Variants in SARDH observed in about 807,000 individuals in gnomAD.
SARDH encodes the protein sarcosine dehydrogenase, mitochondrial.
Under a neutral mutation model 109.1 loss-of-function variants are expected in SARDH, and 95 were observed. The observed-to-expected ratio is 0.87, with a 90% confidence interval of 0.74 to 1.03. The LOEUF (loss-of-function observed/expected upper bound fraction) is 1.03. Ranked by LOEUF, SARDH falls within the 50% of genes least tolerant of loss-of-function variation. SARDH has a pLI of 0.00. For synonymous variants in SARDH, 572 were observed against 534.8 expected (o/e 1.07, Z -0.96); for missense variants, 1,267 against 1,287.8 (o/e 0.98, Z 0.25).
rs1564304204 is a variant in SARDH at position 133,734,411 on chromosome 9, A to AC, written c.-30-209_-30-208insG. Among the ~76,000 whole-genome samples the AC allele has an allele frequency of 1.4e-4, 16 of 113,620 alleles. 1 individual carries two copies. Among genetic ancestry groups the AC allele is most frequent in the East Asian group, 5.0e-4 (2 of 3,980 alleles). The allele number at this position is 113,620 out of a possible 152,430, so 74.5% of individuals were successfully genotyped here. A position where few individuals can be genotyped will look rare whatever the true frequency, so the allele number is the denominator to read the frequency against. ...CATTCATTCACTCATTCATTCACTC[A>AC]TTCATTCATTCATTCACTCATTCAT... On this transcript the variant is annotated intron_variant, in intron 1 of 20. Coordinates refer to ENST00000439388, the MANE Select transcript of SARDH (RefSeq NM_001134707.2).
chr9:133,732,444 G>C lies in SARDH; in HGVS notation c.489C>G (p.Asp163Glu), dbSNP rs1294582133. 2 of 1,503,546 alleles carry C rather than the reference G, an allele frequency of 1.3e-6. No individual in the cohort carries two copies. Among genetic ancestry groups the C allele is most frequent in the Non-Finnish European group, 1.8e-6 (2 of 1,111,994 alleles). The allele number at this position is 1,503,546 out of a possible 1,614,324, so 93.1% of individuals were successfully genotyped here. ...ACACCGACATGAGCCTCTTGTACTC[G>C]TCCAGGCGCTGCCGGTTGGACGCGA... ...LFIASNRQRLDEYKRLMSLGK... is the reference protein window; with the variant it reads ...LFIASNRQRLEEYKRLMSLGK... The change falls in exon 3 of 21, where the codon GAC (aspartate) becomes GAG (glutamate). Residue 163 changes from aspartate (D) to glutamate (E), a missense_variant. By Grantham distance (45) the Asp-to-Glu change is conservative. Coordinates refer to ENST00000439388, the MANE Select transcript of SARDH (RefSeq NM_001134707.2).
At chr9:133,678,724 C>T (rs577985627) in intron 17 of SARDH, among the ~76,000 whole-genome samples, 286 of 152,352 alleles carry the variant, frequency 1.9e-3, no homozygotes, top group Non-Finnish European at 3.2e-3. Flanking sequence ...CCTGTCCACA[C>T]GGCTCCCCAT....
rs756159143 is a variant in SARDH at position 133,708,367 on chromosome 9, A to G, written c.1390T>C (p.Tyr464His). Residue 464 changes from tyrosine (Y) to histidine (H), a missense_variant, in exon 11 of 21, where the codon TAC becomes CAC. By Grantham distance (83) the Tyr-to-His change is moderately conservative. Coordinates refer to ENST00000439388, the MANE Select transcript of SARDH (RefSeq NM_001134707.2). Reference protein sequence around the residue: ...RWIRERSHESYAKNYSVVFPH... With the variant: ...RWIRERSHESHAKNYSVVFPH... The stretch of plus-strand genomic sequence containing the variant: ...AAGACGACGGAGTAGTTCTTGGCGT[A>G]GGACTCATGGCTTCGCTCTCGGATC... The G allele has an allele frequency of 1.4e-5, 22 of 1,613,192 alleles. No homozygotes were observed.
chr9:133,735,907 G>A (rs748487636), intron 1 of SARDH, among the ~76,000 whole-genome samples: 47 of 152,120 alleles, frequency 3.1e-4, no homozygotes, highest in Non-Finnish European at 6.2e-4. Context: ...GGGGGTGGTG[G>A]TGCATGCCTG....
Position 133,686,940 on chromosome 9 carries a change from G to A in SARDH, c.2070-1654C>T, listed in dbSNP as rs1830906843. Among the ~76,000 whole-genome samples, 1 of 152,150 alleles carries A rather than the reference G, an allele frequency of 6.6e-6. No individual in the cohort carries two copies. Among genetic ancestry groups the A allele is most frequent in the Non-Finnish European group, 1.5e-5 (1 of 68,028 alleles). On this transcript the variant is annotated intron_variant, in intron 16 of 20. Transcript: ENST00000439388. The surrounding 1 kb of genome is among the most constrained non-coding windows in gnomAD (Gnocchi z 4.0). ...AGCCTTGAGTGGCAGCCGCACGGAAGGGACCCTGGGGCAGAAGCCTGGAGC... is the reference window on the plus strand; with the variant it reads ...AGCCTTGAGTGGCAGCCGCACGGAAAGGACCCTGGGGCAGAAGCCTGGAGC...
rs3025452 is a variant in SARDH at position 133,689,134 on chromosome 9, G to A, written c.2069+1246C>T. ...TATCACCAGGACACAGCCCTGCTAC[G>A]TCAAGTGCTCACCTCGGCGACCTTC... On this transcript the variant is annotated intron_variant, in intron 16 of 20. Coordinates refer to ENST00000439388, the MANE Select transcript of SARDH (RefSeq NM_001134707.2). Among the ~76,000 whole-genome samples the A allele has an allele frequency of 3.4e-3, 520 of 152,230 alleles. 29 individuals are homozygous for A. In the East Asian group the frequency reaches 0.088, roughly 26 times the overall value.
rs184547854 is a variant in SARDH at position 133,685,174 on chromosome 9, G to A, written c.2163+19C>T. The A allele has an allele frequency of 4.5e-5, 72 of 1,610,148 alleles. No homozygotes were observed. The African/African-American group carries it at 7.1e-4, about 16-fold the overall frequency. ...TGCTGCCACCCACGACCCAGAGGAC[G>A]TGGCCAGCTGGAACCTACCAGGTGC... On this transcript the variant is annotated intron_variant, in intron 17 of 20. Transcript: ENST00000439388.
At chr9:133,678,295 C>T (rs1045027611) in intron 17 of SARDH, among the ~76,000 whole-genome samples, 1 of 152,154 alleles carries the variant, frequency 6.6e-6, no homozygotes, top group Non-Finnish European at 1.5e-5. Context: ...AAGCAGGGCA[C>T]CTGGCATGAG....
In SARDH at chr9:133,666,871, C is replaced by T. The variant is rs1830087053; in HGVS notation, c.2496-1G>A. On this transcript the variant is annotated splice_acceptor_variant, in intron 19 of 20. Coordinates refer to ENST00000439388, the MANE Select transcript of SARDH (RefSeq NM_001134707.2). LOFTEE classifies it high-confidence loss of function. This position sits in a 1 kb window ranked among gnomAD's most constrained non-coding sequence, Gnocchi z 5.2. ...CTCCAGGCCAAACATGGGTACTTTG[C>T]TGGAAGAAGCAGTAGAGAAAGCTGG... The T allele has an allele frequency of 4.3e-6, 7 of 1,612,474 alleles. No homozygotes were observed. Among genetic ancestry groups the T allele is most frequent in the Non-Finnish European group, 5.1e-6 (6 of 1,179,656 alleles).
intron 17 of SARDH, among the ~76,000 whole-genome samples, chr9:133,678,386 C>A (rs902041409): frequency 2.0e-5 from 3 of 152,206 alleles, no homozygotes; most frequent in African/African-American, 7.2e-5. Flanking sequence ...TGTCTCCCGC[C>A]CTCTTTCTCC....
chr9:133,724,420 T>C (rs1184269683), intron 6 of SARDH, among the ~76,000 whole-genome samples: 1 of 152,100 alleles, frequency 6.6e-6, no homozygotes, highest in Non-Finnish European at 1.5e-5. Context: ...ATGCCCCACA[T>C]CATGTCATCA....
intron 17 of SARDH, 68 bp downstream of exon 17, chr9:133,685,125 T>A (rs1023761475): frequency 4.4e-6 from 6 of 1,348,894 alleles, no homozygotes; most frequent in African/African-American, 1.4e-5. Context: ...AGCCCCCAGA[T>A]CCCCCGGCGC....
At position 133,709,502 on chromosome 9, in the gene SARDH, C is replaced by A. The variant is rs1256582200; in HGVS notation, c.1329-1074G>T. On this transcript the variant is annotated intron_variant, in intron 10 of 20. Coordinates refer to ENST00000439388, the MANE Select transcript of SARDH (RefSeq NM_001134707.2). The surrounding 1 kb of genome is among the most constrained non-coding windows in gnomAD (Gnocchi z 4.2). ...CTCCACCTGCTAGAACCTCACTCAT[C>A]ACTCAAGGCTGCCTCAGCAGCCACA... Among the ~76,000 whole-genome samples, 1 of 152,176 alleles carries A rather than the reference C, an allele frequency of 6.6e-6. No homozygotes were observed. Among genetic ancestry groups the A allele is most frequent in the Non-Finnish European group, 1.5e-5 (1 of 68,036 alleles).
rs1317298316 is a variant in SARDH, at chr9:133,666,412, A to G, written c.2631+323T>C. On this transcript the variant is annotated intron_variant, in intron 20 of 20. Transcript: ENST00000439388. The surrounding 1 kb of genome is among the most constrained non-coding windows in gnomAD (Gnocchi z 5.2). ...AGTCGGATTCTTCCAGAAAGAAAAC[A>G]GAGAGCAGCTTTGGCTCTGCCCAGG... Among the ~76,000 whole-genome samples the G allele has an allele frequency of 6.6e-6, 1 of 152,196 alleles. No individual in the cohort carries two copies. The highest frequency in any genetic ancestry group is 1.5e-5 in the Non-Finnish European group (1 of 68,020).
At chr9:133,733,316 G>T (rs370915379) in intron 2 of SARDH, among the ~76,000 whole-genome samples, 20 of 152,360 alleles carry the variant, frequency 1.3e-4, no homozygotes, top group East Asian at 5.8e-4. Flanking sequence ...TGCAGGTCAG[G>T]AGATCCAGTT....
Position 133,685,241 on chromosome 9 carries a change from C to T in SARDH, c.2115G>A (p.Glu705=). 1.2e-6 allele frequency: 2 copies of T among 1,614,052 alleles called. No individual in the cohort carries two copies. Among genetic ancestry groups the T allele is most frequent in the Non-Finnish European group, 1.7e-6 (2 of 1,179,966 alleles). Residue 705 remains glutamate, a synonymous_variant, in exon 17 of 21, where the codon GAG becomes GAA. Transcript: ENST00000439388. ...QEVLDADLSN[E]AFPFSTHKLL... ...GCTTGTGGGTGGAGAACGGGAAGGC[C>T]TCGTTGCTCAGGTCTGCGTCCAGCA...
Position 133,730,151 on chromosome 9 carries a change from A to G in SARDH, c.727T>C (p.Trp243Arg). The part of the protein sequence containing the change: ...ENCPVTGIRV[W>R]TDDFGVRRVA... The stretch of plus-strand genomic sequence containing the variant: ...CGCCGCACCCCAAAATCATCCGTCC[A>G]CACACGAATGCCGGTCACTGGGCAG... The change falls in exon 5 of 21, where the codon TGG (tryptophan) becomes CGG (arginine). Residue 243 changes from tryptophan to arginine, a missense_variant. Physicochemically the swap from Trp to Arg is moderately radical, Grantham distance 101 (BLOSUM62 -3). Transcript: ENST00000439388. The G allele has an allele frequency of 6.2e-7, 1 of 1,614,244 alleles. No homozygotes were observed. The highest frequency in any genetic ancestry group is 8.5e-7 in the Non-Finnish European group (1 of 1,180,052).
At chr9:133,694,133 G>T in intron 15 of SARDH, 125 bp downstream of exon 15, 1 of 684,828 alleles carries the variant, frequency 1.5e-6, no homozygotes, top group South Asian at 2.0e-5. Flanking sequence ...TGACCACAGC[G>T]GGCACAACAG....
chr9:133,733,770 C>A, intron 2 of SARDH, 73 bp downstream of exon 2: 1 of 1,340,850 alleles, frequency 7.5e-7, no homozygotes, highest in South Asian at 1.7e-5. Flanking sequence ...AAGAACTGTC[C>A]CAGCTAGCAA....
Sources: allele counts gnomAD v4.1 joint callset (sites outside exome capture counted in the v4.1 genomes callset), GRCh38; gene constraint gnomAD v4.1.1; non-coding constraint Gnocchi (gnomAD v3.1); transcripts MANE v1.5; gene names NCBI Gene and HGNC (gene_info 2026-07-23, HGNC 2026-07-21).